Variants in RALGPS1 observed in about 807,000 individuals in gnomAD.
RALGPS1 encodes the protein Ral GEF with PH domain and SH3 binding motif 1, also known as ras-specific guanine nucleotide-releasing factor RalGPS1.
Under a neutral mutation model 78.8 loss-of-function variants are expected in RALGPS1, and 19 were observed. The ratio of observed to expected loss-of-function variants is 0.24; its 90% confidence interval spans 0.17 to 0.35. RALGPS1 has a LOEUF of 0.35. Ranked by LOEUF, RALGPS1 falls within the 10% of genes least tolerant of loss-of-function variation. RALGPS1 has a pLI of 1.00. For synonymous variants in RALGPS1, 228 were observed against 256.3 expected, an observed-to-expected ratio of 0.89 and a Z score of 1.06; for missense variants, 454 against 688.3, an observed-to-expected ratio of 0.66 and a Z score of 3.81.
intron 7 of RALGPS1, among the ~76,000 whole-genome samples, chr9:127,061,663 C>T (rs2135639976): frequency 6.6e-6 from 1 of 152,312 alleles, no homozygotes. Context: ...CCCATCTGTG[C>T]TTGTTGAAAT....
chr9:127,131,133 A>G (rs1379263227), intron 8 of RALGPS1, among the ~76,000 whole-genome samples: 1 of 152,158 alleles, frequency 6.6e-6, no homozygotes, highest in African/African-American at 2.4e-5. Flanking sequence ...GTGGAGGGCA[A>G]TGTTGACAGG....
At chr9:127,139,622 G>A (rs1320017557) in intron 8 of RALGPS1, among the ~76,000 whole-genome samples, 1 of 152,176 alleles carries the variant, frequency 6.6e-6, no homozygotes, top group Non-Finnish European at 1.5e-5. Flanking sequence ...CAGGGCCCTG[G>A]GCCAGTGGAG....
intron 11 of RALGPS1, among the ~76,000 whole-genome samples, chr9:127,186,859 G>T (rs77359666): frequency 0.01 from 1,587 of 152,322 alleles, 40 homozygotes; most frequent in African/African-American, 0.036. Context: ...AGAGGTGGCA[G>T]ATCCAGGCCT....
intron 14 of RALGPS1, 104 bp downstream of exon 14, chr9:127,199,170 A>G (rs1009467013): frequency 9.6e-7 from 1 of 1,037,542 alleles, no homozygotes; most frequent in Admixed American, 1.7e-5. Context: ...CACCCACCCC[A>G]TGAGGCTGCT....
chr9:127,056,341 G>A (rs1280469493), intron 7 of RALGPS1, among the ~76,000 whole-genome samples: 1 of 152,198 alleles, frequency 6.6e-6, no homozygotes, highest in African/African-American at 2.4e-5. Flanking sequence ...AAATAAGAAT[G>A]GCAACTGCCA....
intron 1 of RALGPS1, among the ~76,000 whole-genome samples, chr9:126,926,508 T>C (rs1268157678): frequency 6.6e-6 from 1 of 152,030 alleles, no homozygotes; most frequent in African/African-American, 2.4e-5. Flanking sequence ...CAGTGTGGTG[T>C]TGCTGGAGTG....
At chr9:127,019,394 C>A (rs1262885135) in intron 4 of RALGPS1, among the ~76,000 whole-genome samples, 2 of 152,106 alleles carry the variant, frequency 1.3e-5, no homozygotes, top group Non-Finnish European at 2.9e-5. Context: ...GTGGTGCAAT[C>A]TCGGCTCACT....
At chr9:127,017,715 C>T (rs1222187469) in intron 4 of RALGPS1, among the ~76,000 whole-genome samples, 1 of 152,006 alleles carries the variant, frequency 6.6e-6, no homozygotes, top group Non-Finnish European at 1.5e-5. Flanking sequence ...TTTTTAATAT[C>T]CTTATTCTAT....
In RALGPS1 at chr9:127,028,897, ACATGCTGTGGC is replaced by A. The variant is rs1316653804; in HGVS notation, c.217-5532_217-5522del. 3.3e-5 allele frequency among the ~76,000 whole-genome samples: 5 copies of A among 152,006 alleles called. No homozygotes were observed. In the East Asian group the frequency reaches 9.6e-4, roughly 29 times the overall value. ...TGGTCCATGTAAGTCCCTAACTACT[ACATGCTGTGGC>A]CTCTTTTTTGTGACCCTTGTGCCCC... On this transcript the variant is annotated intron_variant, in intron 4 of 18. Coordinates refer to ENST00000259351, the MANE Select transcript of RALGPS1 (RefSeq NM_014636.3).
chr9:126,941,644 G>T (rs893972153), intron 1 of RALGPS1, among the ~76,000 whole-genome samples: 14 of 152,076 alleles, frequency 9.2e-5, no homozygotes, highest in Non-Finnish European at 1.8e-4. Context: ...TTTCTTCACT[G>T]CTCTATCCCT....
rs542247726 is a variant in RALGPS1, at chr9:127,021,950, GA to G, written c.217-12478del. 2.6e-3 allele frequency among the ~76,000 whole-genome samples: 395 copies of G among 152,188 alleles called. 1 individual carries two copies. The highest frequency in any genetic ancestry group is 4.0e-3 in the Non-Finnish European group (271 of 68,002). On this transcript the variant is annotated intron_variant, in intron 4 of 18. Coordinates refer to ENST00000259351, the MANE Select transcript of RALGPS1 (RefSeq NM_014636.3). ...TAGGGCTGGAGAGGGAAGGTTTTGGGAAATTTGCATCATCTTCCTGACCCTA... is the reference window on the plus strand; with the variant it reads ...TAGGGCTGGAGAGGGAAGGTTTTGGGAATTTGCATCATCTTCCTGACCCTA...
intron 11 of RALGPS1, chr9:127,178,455 G>A (rs187156213): frequency 5.3e-5 from 54 of 1,014,596 alleles, no homozygotes; most frequent in East Asian, 2.7e-4. Flanking sequence ...AGCACAGTGC[G>A]CAACATAGAA....
chr9:127,030,353 C>A (rs12352864), intron 4 of RALGPS1, among the ~76,000 whole-genome samples: 21,057 of 152,066 alleles, frequency 0.14, 4,789 homozygotes, highest in African/African-American at 0.48. Context: ...AAGAAAAGAG[C>A]AGCCGGAAAA....
chr9:127,133,611 C>T (rs934849574), intron 8 of RALGPS1, among the ~76,000 whole-genome samples: 6 of 152,244 alleles, frequency 3.9e-5, no homozygotes, highest in Non-Finnish European at 7.3e-5. Flanking sequence ...CTGCCAGGCT[C>T]TTTCTGGGCA....
At chr9:127,033,587 G>A (rs2046609451) in intron 4 of RALGPS1, among the ~76,000 whole-genome samples, 1 of 152,180 alleles carries the variant, frequency 6.6e-6, no homozygotes, top group Non-Finnish European at 1.5e-5. Flanking sequence ...ACTTATAGGT[G>A]GAGAATTTCA....
chr9:127,185,774 G>A (rs2060604617), intron 11 of RALGPS1, among the ~76,000 whole-genome samples: 3 of 152,102 alleles, frequency 2.0e-5, no homozygotes, highest in African/African-American at 7.2e-5. Flanking sequence ...CACTTGACTG[G>A]AAACTCATCT....
At chr9:127,095,698 T>C (rs1206162247) in intron 8 of RALGPS1, among the ~76,000 whole-genome samples, 2 of 152,220 alleles carry the variant, frequency 1.3e-5, no homozygotes, top group African/African-American at 4.8e-5. Context: ...GTGACAGGTA[T>C]ACTCAGCTTT....
intron 8 of RALGPS1, among the ~76,000 whole-genome samples, chr9:127,163,320 G>A (rs531029635): frequency 1.2e-4 from 19 of 152,186 alleles, no homozygotes; most frequent in Non-Finnish European, 2.2e-4. Context: ...TTGTGCACAT[G>A]TACCCTAAAA....
At chr9:126,978,079 A>G (rs1482432834) in intron 4 of RALGPS1, 1 of 204,900 alleles carries the variant, frequency 4.9e-6, no homozygotes, top group East Asian at 1.1e-4. Context: ...GATGTGAGGG[A>G]ACATTTTTCT....
Sources: allele counts gnomAD v4.1 joint callset (sites outside exome capture counted in the v4.1 genomes callset), GRCh38; gene constraint gnomAD v4.1.1; transcripts MANE v1.5; gene names NCBI Gene and HGNC (gene_info 2026-07-23, HGNC 2026-07-21).